Variants in ULK4 observed in about 807,000 individuals in gnomAD.
The protein encoded by ULK4 is unc-51 like kinase 4, also known as inactive serine/threonine-protein kinase ULK4.
A neutral mutation model predicts 160.6 loss-of-function variants in ULK4; 133 were observed. The ratio of observed to expected loss-of-function variants is 0.83; its 90% confidence interval spans 0.72 to 0.96. The LOEUF is 0.96. Ranked by LOEUF, ULK4 falls within the 40% of genes least tolerant of loss-of-function variation. The pLI is 0.00. For missense variants in ULK4, 1,580 were observed against 1,499.5 expected, an observed-to-expected ratio of 1.05 and a Z score of -0.89; for synonymous variants, 534 against 539.8, an observed-to-expected ratio of 0.99 and a Z score of 0.15.
intron 34 of ULK4, among the ~76,000 whole-genome samples, chr3:41,416,307 C>T (rs1299630829): frequency 6.6e-6 from 1 of 152,108 alleles, no homozygotes; most frequent in Non-Finnish European, 1.5e-5. Context: ...CATAAAATCT[C>T]GTATTTCCTA....
chr3:41,768,135 T>A (rs2039228957), intron 21 of ULK4, among the ~76,000 whole-genome samples: 1 of 152,206 alleles, frequency 6.6e-6, no homozygotes, highest in Non-Finnish European at 1.5e-5. Flanking sequence ...TAATGCCTGA[T>A]GATCTTCTGA....
chr3:41,615,960 T>C (rs573501129), intron 30 of ULK4, among the ~76,000 whole-genome samples: 2 of 152,340 alleles, frequency 1.3e-5, no homozygotes, highest in African/African-American at 2.4e-5. Context: ...CTCAAATAGA[T>C]TGGTATTTTT....
At chr3:41,721,360 A>ATTTTTT (rs1284559320) in intron 22 of ULK4, among the ~76,000 whole-genome samples, 1 of 51,480 alleles carries the variant, frequency 1.9e-5, no homozygotes, top group African/African-American at 1.2e-4. Context: ...ATATATATAT[A>ATTTTTT]TATTTTTTTT....
chr3:41,288,060 A>G (rs2079495534), intron 35 of ULK4, among the ~76,000 whole-genome samples: 1 of 152,232 alleles, frequency 6.6e-6, no homozygotes, highest in Admixed American at 6.5e-5. Flanking sequence ...AGAAATAAAG[A>G]GAACACGATG....
At chr3:41,662,037 G>A (rs2035189917) in intron 30 of ULK4, among the ~76,000 whole-genome samples, 1 of 152,140 alleles carries the variant, frequency 6.6e-6, no homozygotes, top group Admixed American at 6.5e-5. Context: ...CTAATGAAAG[G>A]ATAAAATTAG....
intron 19 of ULK4, among the ~76,000 whole-genome samples, chr3:41,802,878 A>T (rs1443263473): frequency 6.6e-6 from 1 of 152,138 alleles, no homozygotes; most frequent in African/African-American, 2.4e-5. Context: ...ATAAAAAAAG[A>T]TGTATAGGCT....
At chr3:41,942,511 T>C (rs1046175924) in intron 2 of ULK4, among the ~76,000 whole-genome samples, 3 of 150,558 alleles carry the variant, frequency 2.0e-5, no homozygotes, top group Non-Finnish European at 4.4e-5. Flanking sequence ...AGATTAAGAC[T>C]TCATCTCAAA....
chr3:41,247,694 C>T (rs115561229), intron 36 of ULK4, among the ~76,000 whole-genome samples: 261 of 152,254 alleles, frequency 1.7e-3, no homozygotes, highest in African/African-American at 6.0e-3. Context: ...TCCTGCTCTG[C>T]GCATCAAAGC....
chr3:41,437,906 G>A (rs916797117), intron 34 of ULK4, among the ~76,000 whole-genome samples: 1 of 152,042 alleles, frequency 6.6e-6, no homozygotes, highest in African/African-American at 2.4e-5. Flanking sequence ...ATTAGAACCT[G>A]GAGGAAGAGA....
chr3:41,388,490 G>A (rs1438647109), intron 35 of ULK4, among the ~76,000 whole-genome samples: 2 of 152,080 alleles, frequency 1.3e-5, no homozygotes, highest in Non-Finnish European at 2.9e-5. Flanking sequence ...TTTTCATCTA[G>A]GGTTTTTATG....
At chr3:41,881,572 A>G (rs779610272) in intron 17 of ULK4, among the ~76,000 whole-genome samples, 19 of 152,184 alleles carry the variant, frequency 1.2e-4, no homozygotes, top group Non-Finnish European at 2.4e-4. Context: ...AGATGGCATC[A>G]CAAAGGAGCA....
intron 30 of ULK4, among the ~76,000 whole-genome samples, chr3:41,662,597 A>T (rs998809300): frequency 2.6e-5 from 4 of 152,204 alleles, no homozygotes; most frequent in African/African-American, 9.7e-5. Flanking sequence ...AGCAGACCAG[A>T]GGAAATCAAG....
chr3:41,960,790 A>C (rs2148851881), intron 1 of ULK4, among the ~76,000 whole-genome samples: 1 of 152,306 alleles, frequency 6.6e-6, no homozygotes, highest in African/African-American at 2.4e-5. Context: ...TAACCTCTTA[A>C]TTATAAAATA....
chr3:41,604,628 G>A (rs1465071091), intron 31 of ULK4, among the ~76,000 whole-genome samples: 1 of 152,090 alleles, frequency 6.6e-6, no homozygotes, highest in East Asian at 1.9e-4. Context: ...AAGTTTTAAT[G>A]AAGATGCTTA....
chr3:41,486,861 A>G (rs558117803), intron 32 of ULK4, among the ~76,000 whole-genome samples: 1 of 151,554 alleles, frequency 6.6e-6, no homozygotes, highest in South Asian at 2.1e-4. Context: ...CATATCCATT[A>G]AAGTCAGGAA....
At chr3:41,564,932 C>T (rs954688144) in intron 32 of ULK4, among the ~76,000 whole-genome samples, 6 of 152,154 alleles carry the variant, frequency 3.9e-5, no homozygotes, top group South Asian at 2.1e-4. Context: ...GTGCCCTATA[C>T]AGGTGTATCA....
At chr3:41,606,436 A>G (rs2032387927) in intron 31 of ULK4, among the ~76,000 whole-genome samples, 3 of 152,000 alleles carry the variant, frequency 2.0e-5, no homozygotes, top group African/African-American at 7.2e-5. Flanking sequence ...TAAACAAAGG[A>G]ATGCAGGTAT....
At chr3:41,943,492 C>T (rs1700023259) in intron 2 of ULK4, among the ~76,000 whole-genome samples, 2 of 152,190 alleles carry the variant, frequency 1.3e-5, no homozygotes, top group African/African-American at 2.4e-5. Flanking sequence ...TCTGCAGCTA[C>T]TCAAGCAGGT....
At chr3:41,400,817 A>C (rs546943731) in intron 34 of ULK4, among the ~76,000 whole-genome samples, 9 of 152,120 alleles carry the variant, frequency 5.9e-5, no homozygotes, top group Non-Finnish European at 1.3e-4. Context: ...AAAAGATCCA[A>C]TTTCTCAGCA....
Sources: gnomAD v4.1 joint callset for allele counts (sites outside exome capture counted in the v4.1 genomes callset) on GRCh38, gnomAD v4.1.1 for gene constraint, MANE v1.5 for transcripts, NCBI Gene and HGNC (gene_info 2026-07-23, HGNC 2026-07-21) for gene names.